Variants in TBC1D14 observed in about 807,000 individuals in gnomAD.
TBC1D14 encodes TBC1 domain family member 14, also known as TBC1 domain family, member 14.
Under a neutral mutation model 79.0 loss-of-function variants are expected in TBC1D14, and 26 were observed. That is an observed-to-expected ratio of 0.33 (90% CI 0.24 to 0.46). The LOEUF (loss-of-function observed/expected upper bound fraction) is 0.46. TBC1D14 is among the 20% of genes least tolerant of loss of function. The pLI is 1.00. For missense variants in TBC1D14, 769 were observed against 887.6 expected (o/e 0.87, Z 1.70); for synonymous variants, 394 against 349.9 (o/e 1.13, Z -1.40).
chr4:6,944,481 C>T (rs4296677), intron 2 of TBC1D14, among the ~76,000 whole-genome samples: 112,335 of 152,102 alleles, frequency 0.74, 42,655 homozygotes, highest in East Asian at 0.97. Context: ...TCATGACCAG[C>T]GTCTCGGGCC....
At chr4:6,910,022 T>C (rs1467854773) in intron 1 of TBC1D14, 71 bp downstream of exon 1, 1 of 147,242 alleles carries the variant, frequency 6.8e-6, no homozygotes, top group African/African-American at 2.5e-5. Flanking sequence ...GGCCGCCACC[T>C]GCTGCAGCGC....
At chr4:6,996,429 G>A (rs1719050338) in intron 5 of TBC1D14, 22 bp downstream of exon 5, 2 of 1,577,728 alleles carry the variant, frequency 1.3e-6, no homozygotes, top group South Asian at 1.1e-5. Context: ...CACACTTGAT[G>A]GGTTAAATCA....
intron 2 of TBC1D14, among the ~76,000 whole-genome samples, chr4:6,965,663 C>T (rs531811625): frequency 1.6e-4 from 24 of 152,268 alleles, no homozygotes; most frequent in African/African-American, 3.1e-4. Context: ...CTTAGCCTCC[C>T]CAGTAGCTAG....
At chr4:6,937,782 G>C (rs1577060694) in intron 2 of TBC1D14, among the ~76,000 whole-genome samples, 1 of 152,176 alleles carries the variant, frequency 6.6e-6, no homozygotes, top group South Asian at 2.1e-4. Flanking sequence ...TGGATTCTCC[G>C]GGCGGTGGAA....
intron 3 of TBC1D14, among the ~76,000 whole-genome samples, chr4:6,975,439 G>C (rs866731744): frequency 6.6e-6 from 1 of 152,070 alleles, no homozygotes; most frequent in African/African-American, 2.4e-5. Flanking sequence ...TGAACTCCTG[G>C]ATTCAAGTGA....
At chr4:6,937,411 A>AC (rs1253431424) in intron 2 of TBC1D14, among the ~76,000 whole-genome samples, 2 of 151,988 alleles carry the variant, frequency 1.3e-5, no homozygotes, top group Admixed American at 6.6e-5. Flanking sequence ...TGACCTAGTC[A>AC]CCTCCCAAAG....
intron 9 of TBC1D14, 115 bp from the exon 10 acceptor site, chr4:7,009,762 T>C: frequency 9.5e-7 from 1 of 1,047,738 alleles, no homozygotes; most frequent in Non-Finnish European, 1.5e-6. Context: ...CTTGGCATAT[T>C]TCATAATGCT....
At chr4:7,027,473 A>T (rs1722508722) in intron 13 of TBC1D14, among the ~76,000 whole-genome samples, 1 of 127,158 alleles carries the variant, frequency 7.9e-6, no homozygotes, top group African/African-American at 3.0e-5. Context: ...CCCCACGCAC[A>T]CTCATTGCAC....
chr4:6,954,120 C>G (rs778745293), intron 2 of TBC1D14: 2 of 599,818 alleles, frequency 3.3e-6, no homozygotes, highest in Non-Finnish European at 6.0e-6. Context: ...CCCTGCCGCC[C>G]CCGCCTTTCC....
rs1333149883 is a variant in TBC1D14, at chr4:7,009,968, A to G, written c.1518+20A>G. On this transcript the variant is annotated intron_variant, in intron 10 of 13. Transcript: ENST00000409757. ...GGTTATGTAAGTGAAGTTTCTCAGT[A>G]TTTTATAATGTTGTTATCTAAAAAG... The G allele has an allele frequency of 6.2e-7, 1 of 1,613,406 alleles. No homozygotes were observed.
chr4:7,019,115 G>A (rs928967978), intron 12 of TBC1D14, among the ~76,000 whole-genome samples: 3 of 151,994 alleles, frequency 2.0e-5, no homozygotes, highest in Non-Finnish European at 4.4e-5. Context: ...TCCGCCTCCC[G>A]GATTCACGCC....
chr4:7,025,742 C>T (rs749261926), intron 13 of TBC1D14, among the ~76,000 whole-genome samples: 2 of 152,200 alleles, frequency 1.3e-5, no homozygotes, highest in African/African-American at 4.8e-5. Context: ...GAGGAGGGCG[C>T]GGGTCCCTCC....
At chr4:6,915,034 G>T (rs2108899343) in intron 1 of TBC1D14, among the ~76,000 whole-genome samples, 1 of 152,284 alleles carries the variant, frequency 6.6e-6, no homozygotes, top group African/African-American at 2.4e-5. Flanking sequence ...GTGAGACTCT[G>T]TCTCAGAAAC....
intron 9 of TBC1D14, among the ~76,000 whole-genome samples, chr4:7,007,906 C>T (rs1349196545): frequency 6.6e-6 from 1 of 152,244 alleles, no homozygotes; most frequent in Non-Finnish European, 1.5e-5. Context: ...CGTGCCCCCT[C>T]ACCAGGCTCT....
At chr4:6,947,321 C>T (rs955421590) in intron 2 of TBC1D14, among the ~76,000 whole-genome samples, 2 of 152,138 alleles carry the variant, frequency 1.3e-5, no homozygotes. Flanking sequence ...CACGGTGAAA[C>T]CCCGTCTCCA....
chr4:6,950,004 T>G (rs373341785), intron 2 of TBC1D14, among the ~76,000 whole-genome samples: 1 of 152,138 alleles, frequency 6.6e-6, no homozygotes, highest in South Asian at 2.1e-4. Context: ...CATCAACCTG[T>G]TATCTGGGTT....
intron 2 of TBC1D14, among the ~76,000 whole-genome samples, chr4:6,966,463 A>G (rs7661462): frequency 0.74 from 113,035 of 152,178 alleles, 42,532 homozygotes; most frequent in East Asian, 0.97. Context: ...TGATATGTGA[A>G]TACTCATTAT....
chr4:7,025,062 G>A lies in TBC1D14; in HGVS notation c.1816G>A (p.Val606Met). Residue 606 changes from valine to methionine, a missense_variant, in exon 13 of 14, where the codon GTG becomes ATG. Val to Met is a conservative substitution (Grantham distance 21, BLOSUM62 1). This residue lies in a region of TBC1D14 where 367 missense variants were observed against 494.4 expected (regional missense o/e 0.74). Transcript: ENST00000409757. ...PLDLACRIWD[V>M]FCRDGEEFLF... The stretch of plus-strand genomic sequence containing the variant: ...CGACCTGGCCTGTCGTATCTGGGAC[G>A]TGTTCTGTCGCGATGGGGAAGAGTT... 1.9e-6 allele frequency: 3 copies of A among 1,614,158 alleles called. No homozygotes were observed. The highest frequency in any genetic ancestry group is 1.7e-6 in the Non-Finnish European group (2 of 1,180,028).
chr4:6,933,534 AGC>A (rs1044594736), intron 2 of TBC1D14, among the ~76,000 whole-genome samples: 2 of 151,678 alleles, frequency 1.3e-5, no homozygotes, highest in African/African-American at 4.8e-5. Context: ...TCGAACTCCT[AGC>A]CTCAAGTGAT....
Sources: gnomAD v4.1 joint callset for allele counts (sites outside exome capture counted in the v4.1 genomes callset) on GRCh38, gnomAD v4.1.1 for gene constraint, gnomAD v4.1.1 regional missense constraint, MANE v1.5 for transcripts, NCBI Gene and HGNC (gene_info 2026-07-23, HGNC 2026-07-21) for gene names.